LRP6: variants seen among roughly 807,000 people sequenced by gnomAD.
The protein encoded by LRP6 is LDL receptor related protein 6.
In LRP6, 43 loss-of-function variants were observed where a neutral mutation model predicts 184.1. The observed-to-expected ratio is 0.23, with a 90% CI of 0.18 to 0.30. LRP6 has a LOEUF of 0.30. Among genes scored for constraint, LRP6 ranks in the 10% least tolerant of loss-of-function variants. The probability of loss-of-function intolerance (pLI) is 1.00; values close to 1 mark genes in which losing one functional copy is unlikely to be tolerated. For missense variants in LRP6, 1,571 were observed against 2,005.3 expected, an observed-to-expected ratio of 0.78 and a Z score of 4.14; for synonymous variants, 719 against 684.9, an observed-to-expected ratio of 1.05 and a Z score of -0.78.
chr12:12,159,414 G>A (rs1862687270), intron 11 of LRP6, among the ~76,000 whole-genome samples: 1 of 151,952 alleles, frequency 6.6e-6, no homozygotes, highest in Non-Finnish European at 1.5e-5. Context: ...TCTTGCAAAT[G>A]GTCTACTTTA....
intron 1 of LRP6, among the ~76,000 whole-genome samples, chr12:12,254,143 CAAAAAAAAAAAAA>C (rs34210761): frequency 1.3e-5 from 1 of 74,374 alleles, no homozygotes; most frequent in South Asian, 6.7e-4. Context: ...GACTCTGTCT[CAAAAAAAAAAAAA>C]AAAAAAAAAG....
chr12:12,143,764 G>A (rs1217293726), intron 15 of LRP6, among the ~76,000 whole-genome samples: 1 of 152,152 alleles, frequency 6.6e-6, no homozygotes, highest in Non-Finnish European at 1.5e-5. Flanking sequence ...AAAGTTAAAT[G>A]AAGAAATTTC....
intron 3 of LRP6, among the ~76,000 whole-genome samples, chr12:12,188,502 A>G (rs1372652500): frequency 2.0e-5 from 3 of 152,198 alleles, no homozygotes; most frequent in Non-Finnish European, 2.9e-5. Flanking sequence ...GATGATTTCT[A>G]CTATCTAACA....
intron 1 of LRP6, among the ~76,000 whole-genome samples, chr12:12,245,335 T>C (rs1865158274): frequency 6.6e-6 from 1 of 152,156 alleles, no homozygotes; most frequent in African/African-American, 2.4e-5. Flanking sequence ...AAGGTATATA[T>C]TGCATGACTC....
At chr12:12,193,162 G>C (rs892920766) in intron 3 of LRP6, among the ~76,000 whole-genome samples, 1 of 151,682 alleles carries the variant, frequency 6.6e-6, no homozygotes, top group South Asian at 2.1e-4. Context: ...GCAATGAGTC[G>C]AGGAAGAAAT....
chr12:12,116,287 G>A lies in LRP6; in HGVS notation c.*4839C>T, dbSNP rs1285689788. The A allele has an allele frequency of 6.6e-6, 1 of 152,116 alleles. No individual in the cohort carries two copies. The highest frequency in any genetic ancestry group is 6.5e-5 in the Admixed American group (1 of 15,276). The allele number at this position is 152,116 out of a possible 1,614,324, so 9.4% of individuals were successfully genotyped here. A position where few individuals can be genotyped will look rare whatever the true frequency, so the allele number is the denominator to read the frequency against. On this transcript the variant is annotated 3_prime_UTR_variant, in exon 23 of 23. Coordinates refer to ENST00000261349, the MANE Select transcript of LRP6 (RefSeq NM_002336.3). Reference sequence around the variant, plus strand: ...AAACACCAGTTGACTTTAAGACAATGACGAAGATTAAAGCTTAAGGGAAAA... The same window carrying A: ...AAACACCAGTTGACTTTAAGACAATAACGAAGATTAAAGCTTAAGGGAAAA...
intron 15 of LRP6, among the ~76,000 whole-genome samples, chr12:12,142,153 T>C (rs1420064396): frequency 6.6e-6 from 1 of 152,204 alleles, no homozygotes; most frequent in Non-Finnish European, 1.5e-5. Flanking sequence ...AGTAGAGCAG[T>C]AGGCTTGTTT....
chr12:12,194,970 T>G (rs1863714159), intron 3 of LRP6, among the ~76,000 whole-genome samples: 1 of 152,146 alleles, frequency 6.6e-6, no homozygotes, highest in Admixed American at 6.5e-5. Context: ...TTTCTGTTCC[T>G]GGTCCTATGT....
At chr12:12,234,935 G>C (rs547548862) in intron 2 of LRP6, among the ~76,000 whole-genome samples, 1 of 151,754 alleles carries the variant, frequency 6.6e-6, no homozygotes, top group South Asian at 2.1e-4. Flanking sequence ...AAATTCACAA[G>C]AAAAAAGCAG....
rs1052680382 is a variant in LRP6 at position 12,158,774 on chromosome 12, T to C, written c.2791+55A>G. The C allele has an allele frequency of 7.0e-6, 11 of 1,561,856 alleles. No individual in the cohort carries two copies. In the Admixed American group the frequency reaches 1.7e-4, roughly 24 times the overall value. On this transcript the variant is annotated intron_variant, in intron 12 of 22. Transcript: ENST00000261349. ...TAGAAAAAACACACACTAAAGTACT[T>C]TGAAAATGCTGCTTTCTCTCATTCT...
At chr12:12,140,605 C>CTT (rs145009698) in intron 15 of LRP6, among the ~76,000 whole-genome samples, 2 of 137,990 alleles carry the variant, frequency 1.4e-5, no homozygotes, top group Admixed American at 7.2e-5. Context: ...TTTTAAAAAT[C>CTT]TTTTTTTTTT....
chr12:12,137,231 A>G (rs1256720111), intron 16 of LRP6, among the ~76,000 whole-genome samples: 1 of 152,194 alleles, frequency 6.6e-6, no homozygotes, highest in Non-Finnish European at 1.5e-5. Context: ...TACTCAATTT[A>G]ACATTGGCAT....
Position 12,162,422 on chromosome 12 carries a change from G to A in LRP6, c.2053-3C>T, listed in dbSNP as rs770564650. The A allele has an allele frequency of 3.1e-6, 5 of 1,608,512 alleles. No homozygotes were observed. In the Admixed American group the frequency reaches 5.0e-5, roughly 16 times the overall value. Reference sequence around the variant, plus strand: ...TTCATAAAGGCTCTGCTGATGGTCTGCAAAAGAACATTAACAACTAAGTCA... The same window carrying A: ...TTCATAAAGGCTCTGCTGATGGTCTACAAAAGAACATTAACAACTAAGTCA... On this transcript the variant is annotated splice_polypyrimidine_tract_variant and splice_region_variant and intron_variant, in intron 9 of 22. Transcript: ENST00000261349.
intron 13 of LRP6, 74 bp from the exon 14 acceptor site, chr12:12,149,227 T>C (rs1047628355): frequency 2.7e-6 from 3 of 1,128,150 alleles, no homozygotes; most frequent in Non-Finnish European, 4.1e-6. Flanking sequence ...GTCACAATGC[T>C]TACACCTACA....
At chr12:12,254,668 A>C (rs1053450066) in intron 1 of LRP6, among the ~76,000 whole-genome samples, 1 of 152,234 alleles carries the variant, frequency 6.6e-6, no homozygotes, top group African/African-American at 2.4e-5. Flanking sequence ...CTGGAATGCC[A>C]CATTTGAAAA....
intron 1 of LRP6, among the ~76,000 whole-genome samples, chr12:12,253,862 G>A (rs1865391394): frequency 6.6e-6 from 1 of 152,064 alleles, no homozygotes; most frequent in Non-Finnish European, 1.5e-5. Flanking sequence ...AAGGGCTATG[G>A]GCCAGGTGTG....
In LRP6 at chr12:12,237,131, G is replaced by GCACTGGAATCA. The variant is rs1320070871; in HGVS notation, c.449+7130_449+7131insTGATTCCAGTG. 3.9e-5 allele frequency among the ~76,000 whole-genome samples: 6 copies of GCACTGGAATCA among 152,136 alleles called. No individual in the cohort carries two copies. In the East Asian group the frequency reaches 1.2e-3, roughly 29 times the overall value. On this transcript the variant is annotated intron_variant, in intron 2 of 22. Coordinates refer to ENST00000261349, the MANE Select transcript of LRP6 (RefSeq NM_002336.3). The stretch of plus-strand genomic sequence containing the variant: ...CACCCAGGAAATTCCAAGGGATTAG[G>GCACTGGAATCA]AGTTCCATGTCAGGCACTGGAATCA...
intron 2 of LRP6, among the ~76,000 whole-genome samples, chr12:12,238,231 A>G (rs1211241566): frequency 6.6e-6 from 1 of 151,888 alleles, no homozygotes; most frequent in East Asian, 1.9e-4. Context: ...AAAGAAAAAA[A>G]AAAACAGAAA....
chr12:12,172,817 T>G (rs1863080489), intron 7 of LRP6, among the ~76,000 whole-genome samples: 1 of 152,118 alleles, frequency 6.6e-6, no homozygotes, highest in Admixed American at 6.5e-5. Context: ...AGATGACAAG[T>G]ATAAAGAAAT....
Sources: allele counts gnomAD v4.1 joint callset (sites outside exome capture counted in the v4.1 genomes callset), GRCh38; gene constraint gnomAD v4.1.1; transcripts MANE v1.5; gene names NCBI Gene and HGNC (gene_info 2026-07-23, HGNC 2026-07-21).